SRPRB: variants seen among roughly 807,000 people sequenced by gnomAD.
The protein encoded by SRPRB is signal recognition particle receptor subunit beta.
A neutral mutation model predicts 31.9 loss-of-function variants in SRPRB; 20 were observed. The observed-to-expected ratio is 0.63, with a 90% CI of 0.44 to 0.91. SRPRB has a LOEUF of 0.91. Among genes scored for constraint, SRPRB ranks in the 40% least tolerant of loss-of-function variants. The probability of loss-of-function intolerance (pLI) is 0.00; values close to 1 mark genes in which losing one functional copy is unlikely to be tolerated. For missense variants in SRPRB, 321 were observed against 324.9 expected, an observed-to-expected ratio of 0.99 and a Z score of 0.09; for synonymous variants, 146 against 132.8, an observed-to-expected ratio of 1.10 and a Z score of -0.68.
At chr3:133,800,869 A>AC (rs1305615322), upstream of SRPRB, among the ~76,000 whole-genome samples, 3 of 152,178 alleles carry the variant, frequency 2.0e-5, no homozygotes, top group Non-Finnish European at 4.4e-5. Flanking sequence ...GGTGCATACT[A>AC]TAATCTCTTT....
intron 4 of SRPRB, among the ~76,000 whole-genome samples, chr3:133,814,021 A>C (rs1935320387): frequency 6.6e-6 from 1 of 152,052 alleles, no homozygotes; most frequent in South Asian, 2.1e-4. Flanking sequence ...AGACTATTTT[A>C]AGTTGTAGGC....
downstream of SRPRB, chr3:133,825,036 C>T (rs1344938567): frequency 1.3e-5 from 2 of 152,184 alleles, no homozygotes; most frequent in Admixed American, 1.3e-4. Context: ...CAATGCCTCA[C>T]ATTCTTTGGG....
At chr3:133,819,177 C>A (rs1935420925) in intron 6 of SRPRB, among the ~76,000 whole-genome samples, 1 of 152,046 alleles carries the variant, frequency 6.6e-6, no homozygotes, top group South Asian at 2.1e-4. Flanking sequence ...CCCTATCTAC[C>A]CACACTTAAC....
intron 1 of SRPRB, chr3:133,790,606 T>C (rs1934808073): frequency 6.6e-6 from 1 of 152,212 alleles, no homozygotes; most frequent in Admixed American, 6.5e-5. Flanking sequence ...GTGAAAGCTG[T>C]TAGTCTTGAT....
In SRPRB at chr3:133,819,869, G is replaced by C. The variant is rs370180689; in HGVS notation, c.*103G>C. 2.3e-5 allele frequency: 23 copies of C among 1,021,784 alleles called. No homozygotes were observed. Among genetic ancestry groups the C allele is most frequent in the South Asian group, 1.6e-4 (11 of 66,710 alleles). 63.3% of individuals were successfully genotyped at this position (1,021,784 alleles called of 1,614,324 possible). A position where few individuals can be genotyped will look rare whatever the true frequency, so the allele number is the denominator to read the frequency against. The stretch of plus-strand genomic sequence containing the variant: ...GAGGAAGGGGTACAAGATGTGGTTA[G>C]AAACATTTCTTTGTTCTGGAAACAA... On this transcript the variant is annotated 3_prime_UTR_variant, in exon 7 of 7. Transcript: ENST00000678299.
intron 4 of SRPRB, among the ~76,000 whole-genome samples, chr3:133,811,920 G>C (rs368678383): frequency 2.0e-5 from 3 of 152,184 alleles, no homozygotes; most frequent in Non-Finnish European, 4.4e-5. Flanking sequence ...GATGTTTCAA[G>C]AAGTACAGAA....
At chr3:133,789,986 C>T (rs1934792686) in intron 1 of SRPRB, 1 of 139,870 alleles carries the variant, frequency 7.1e-6, no homozygotes, top group Non-Finnish European at 1.5e-5. Context: ...CTTTGAGGCT[C>T]TTACTTAGGT....
At chr3:133,798,127 G>A (rs930658447) in intron 1 of SRPRB, among the ~76,000 whole-genome samples, 4 of 152,182 alleles carry the variant, frequency 2.6e-5, no homozygotes, top group African/African-American at 9.7e-5. Flanking sequence ...TAGAGCTAGC[G>A]AATTAGCCAA....
chr3:133,818,802 G>GTGTGTGTGTGTGTGTGTT (rs1230542373), intron 6 of SRPRB, among the ~76,000 whole-genome samples: 3 of 151,442 alleles, frequency 2.0e-5, no homozygotes, highest in African/African-American at 4.9e-5. Context: ...GTGTGTGTGT[G>GTGTGTGTGTGTGTGTGTT]TGTGTGTGTG....
upstream of SRPRB, among the ~76,000 whole-genome samples, chr3:133,803,623 C>A (rs189281225): frequency 3.3e-5 from 5 of 151,878 alleles, no homozygotes; most frequent in East Asian, 9.7e-4. Context: ...TCTAGCTACT[C>A]GCTGACACAT....
chr3:133,803,677 T>A (rs1370262356), upstream of SRPRB, among the ~76,000 whole-genome samples: 1 of 151,784 alleles, frequency 6.6e-6, no homozygotes, highest in African/African-American at 2.4e-5. Context: ...TTTTTTCCTT[T>A]TTTTGGAGGC....
chr3:133,802,130 C>T (rs1277235869), upstream of SRPRB, among the ~76,000 whole-genome samples: 3 of 152,124 alleles, frequency 2.0e-5, no homozygotes, highest in Non-Finnish European at 2.9e-5. Context: ...TTAGGCAGGG[C>T]GTGGTGGCTT....
At chr3:133,807,126 T>C (rs554649528) in intron 2 of SRPRB, among the ~76,000 whole-genome samples, 1 of 152,278 alleles carries the variant, frequency 6.6e-6, no homozygotes, top group East Asian at 1.9e-4. Context: ...CTAATATTTA[T>C]TTTTAATACA....
Position 133,805,876 on chromosome 3 carries a change from G to A in SRPRB, c.28G>A (p.Ala10Thr). Residue 10 changes from alanine to threonine, a missense_variant, in exon 1 of 7, where the codon GCA becomes ACA. Transcript: ENST00000678299. ...GGCTTCCGCGGACTCGCGCCGGGTG[G>A]CAGATGGCGGCGGTGCCGGGGGCAC... MASADSRRV[A>T]DGGGAGGTFQ... is the part of the protein sequence containing the mutation. The A allele has an allele frequency of 2.5e-6, 4 of 1,612,290 alleles. No homozygotes were observed. The highest frequency in any genetic ancestry group is 3.4e-6 in the Non-Finnish European group (4 of 1,179,234).
intron 1 of SRPRB, among the ~76,000 whole-genome samples, chr3:133,798,479 G>C (rs892584186): frequency 1.3e-5 from 2 of 152,010 alleles, no homozygotes; most frequent in Non-Finnish European, 2.9e-5. Context: ...ATTTTAAATT[G>C]AACATTAAGG....
chr3:133,815,659 T>C lies in SRPRB; in HGVS notation c.480T>C (p.Tyr160=). Residue 160 remains tyrosine, a synonymous_variant, in exon 5 of 7, where the codon TAT becomes TAC. Transcript: ENST00000678299. The part of the protein sequence containing the change: ...REVKDVAEFL[Y]QVLIDSMGLK... ...TGAAAGATGTGGCTGAGTTTCTGTA[T>C]CAAGTCCTCATTGACAGTATGGGTC... 6.2e-7 allele frequency: 1 copy of C among 1,614,042 alleles called. No homozygotes were observed. Among genetic ancestry groups the C allele is most frequent in the Non-Finnish European group, 8.5e-7 (1 of 1,180,000 alleles).
At chr3:133,810,064 T>C (rs943923321) in intron 3 of SRPRB, among the ~76,000 whole-genome samples, 1 of 152,212 alleles carries the variant, frequency 6.6e-6, no homozygotes, top group African/African-American at 2.4e-5. Flanking sequence ...CCTAGTAATG[T>C]ATCTTCCAAA....
At chr3:133,816,745 GT>G (rs1935373119) in intron 5 of SRPRB, 132 bp from the exon 6 acceptor site, 3 of 599,044 alleles carry the variant, frequency 5.0e-6, no homozygotes, top group Non-Finnish European at 5.8e-6. Context: ...GAAGGAACTA[GT>G]GATAAAAGGT....
At chr3:133,806,724 C>T (rs1935168401) in intron 2 of SRPRB, 21 bp downstream of exon 2, 1 of 1,570,894 alleles carries the variant, frequency 6.4e-7, no homozygotes, top group East Asian at 2.2e-5. Flanking sequence ...TCATTGACAC[C>T]CCTGTTAAGC....
Sources: allele counts gnomAD v4.1 joint callset (sites outside exome capture counted in the v4.1 genomes callset), GRCh38; gene constraint gnomAD v4.1.1; transcripts MANE v1.5; gene names NCBI Gene and HGNC (gene_info 2026-07-23, HGNC 2026-07-21).